SYTL2: variants seen among roughly 807,000 people sequenced by gnomAD.
The protein encoded by SYTL2 is synaptotagmin like 2, also known as synaptotagmin-like protein 2.
In SYTL2, 165 loss-of-function variants were observed where a neutral mutation model predicts 198.7. That is an observed-to-expected ratio of 0.83 (90% CI 0.73 to 0.94). SYTL2 has a LOEUF of 0.94. Ranked by LOEUF, SYTL2 falls within the 40% of genes least tolerant of loss-of-function variation. The probability of loss-of-function intolerance (pLI) is 0.00; values close to 1 mark genes in which losing one functional copy is unlikely to be tolerated. For synonymous variants in SYTL2, 966 were observed against 917.7 expected (o/e 1.05, Z -0.95); for missense variants, 2,835 against 2,582.8 (o/e 1.10, Z -2.12).
At chr11:85,770,797 C>A (rs2092339047) in intron 1 of SYTL2, among the ~76,000 whole-genome samples, 1 of 152,182 alleles carries the variant, frequency 6.6e-6, no homozygotes, top group Non-Finnish European at 1.5e-5. Flanking sequence ...CTCACAAATA[C>A]CCCTACCACA....
intron 7 of SYTL2, among the ~76,000 whole-genome samples, chr11:85,732,292 C>T (rs1420701555): frequency 1.3e-5 from 2 of 152,154 alleles, no homozygotes; most frequent in African/African-American, 4.8e-5. Context: ...CACATGCACA[C>T]GTGTGTTTAC....
intron 8 of SYTL2, among the ~76,000 whole-genome samples, chr11:85,721,349 C>T (rs1346927706): frequency 2.6e-5 from 4 of 152,054 alleles, no homozygotes; most frequent in South Asian, 2.1e-4. Context: ...AATTCAAAAC[C>T]GTGGAAGGCA....
chr11:85,705,223 C>T (rs142305633), intron 15 of SYTL2, 195 bp from the exon 16 acceptor site: 254 of 461,518 alleles, frequency 5.5e-4, no homozygotes, highest in Non-Finnish European at 8.6e-4. Context: ...TTCATAAAAG[C>T]TGATTTGCTT....
At chr11:85,843,546 A>C in the SYTL2 span, among the ~76,000 whole-genome samples, 2 of 152,044 alleles carry the variant, frequency 1.3e-5, no homozygotes, top group Admixed American at 1.3e-4. Flanking sequence ...TGAGCCATCT[A>C]ACTGATGCTG....
chr11:85,716,838 G>A (rs76310992), intron 11 of SYTL2, among the ~76,000 whole-genome samples: 2,732 of 152,126 alleles, frequency 0.018, 91 homozygotes, highest in African/African-American at 0.063. Context: ...GAACAGAAAA[G>A]ATCGAACAAA....
chr11:85,746,639 A>G (rs574919935), intron 3 of SYTL2, among the ~76,000 whole-genome samples: 2 of 152,258 alleles, frequency 1.3e-5, no homozygotes, highest in South Asian at 4.1e-4. Context: ...CCAAATACCC[A>G]TATTCCAGGA....
intron 1 of SYTL2, among the ~76,000 whole-genome samples, chr11:85,763,360 T>G (rs975410306): frequency 6.6e-6 from 1 of 152,222 alleles, no homozygotes; most frequent in African/African-American, 2.4e-5. Context: ...TTCTTGTCAA[T>G]TGTCCAAAAG....
At chr11:85,768,931 C>A (rs1448254231) in intron 1 of SYTL2, among the ~76,000 whole-genome samples, 1 of 152,138 alleles carries the variant, frequency 6.6e-6, no homozygotes, top group African/African-American at 2.4e-5. Flanking sequence ...CAGCCCTCCT[C>A]TAGCTTCCTC....
At position 85,758,002 on chromosome 11, in the gene SYTL2, C is replaced by T. The variant is rs2153552828; in HGVS notation, c.-277G>A. 1 of 358,670 alleles carries T rather than the reference C, an allele frequency of 2.8e-6. No individual in the cohort carries two copies. Among genetic ancestry groups the T allele is most frequent in the South Asian group, 3.4e-5 (1 of 29,168 alleles). The allele number at this position is 358,670 out of a possible 1,614,324, so 22.2% of individuals were successfully genotyped here. On this transcript the variant is annotated 5_prime_UTR_variant, in exon 2 of 20. Coordinates refer to ENST00000359152, the MANE Select transcript of SYTL2 (RefSeq NM_206927.4). The stretch of plus-strand genomic sequence containing the variant: ...TTCCTTGCCAAACAGGTCGCTTGTT[C>T]CTATGGTGGCTTCCAGCACACTCAC...
At chr11:85,697,893 T>G (rs1195560061) in intron 18 of SYTL2, 86 bp downstream of exon 18, 14 of 726,582 alleles carry the variant, frequency 1.9e-5, no homozygotes, top group Admixed American at 5.0e-5. Flanking sequence ...GAATGATGAG[T>G]CAGTATTACA....
At chr11:85,851,733 A>C in the SYTL2 span, among the ~76,000 whole-genome samples, 1 of 152,260 alleles carries the variant, frequency 6.6e-6, no homozygotes, top group Non-Finnish European at 1.5e-5. Context: ...AGCAGGCCTA[A>C]GATTTAAAAC....
the SYTL2 span, among the ~76,000 whole-genome samples, chr11:85,824,900 CAG>C: frequency 6.6e-6 from 1 of 152,164 alleles, no homozygotes; most frequent in Non-Finnish European, 1.5e-5. Context: ...AGAGCGCTGG[CAG>C]AGAGACTAGC....
intron 12 of SYTL2, among the ~76,000 whole-genome samples, chr11:85,712,264 A>G (rs1265809537): frequency 6.6e-6 from 1 of 152,198 alleles, no homozygotes; most frequent in Non-Finnish European, 1.5e-5. Flanking sequence ...GATTAAAAAA[A>G]TTCATATCTT....
chr11:85,729,234 G>A (rs1212132329), intron 7 of SYTL2, among the ~76,000 whole-genome samples: 2 of 152,158 alleles, frequency 1.3e-5, no homozygotes, highest in Non-Finnish European at 1.5e-5. Context: ...TCTGGACCAA[G>A]TGGACCTAAA....
At chr11:85,809,611 A>G (rs966960103) in intron 1 of SYTL2, among the ~76,000 whole-genome samples, 2 of 152,218 alleles carry the variant, frequency 1.3e-5, no homozygotes, top group Non-Finnish European at 2.9e-5. Context: ...CTAAGTGACT[A>G]AAGGAAGCAA....
chr11:85,822,869 T>C, the SYTL2 span, among the ~76,000 whole-genome samples: 1 of 152,130 alleles, frequency 6.6e-6, no homozygotes, highest in Admixed American at 6.5e-5. Context: ...AAAGGGAGGA[T>C]GGAGGTGCAA....
At chr11:85,749,877 C>G (rs1472888226) in intron 2 of SYTL2, among the ~76,000 whole-genome samples, 1 of 152,128 alleles carries the variant, frequency 6.6e-6, no homozygotes, top group Non-Finnish European at 1.5e-5. Flanking sequence ...GGGGCAGGGT[C>G]TGTACTCAAT....
chr11:85,745,531 A>T, intron 4 of SYTL2, 106 bp downstream of exon 4: 2 of 1,315,732 alleles, frequency 1.5e-6, no homozygotes, highest in South Asian at 3.0e-5. Context: ...CCCCATGCCC[A>T]TGACCCCAGT....
At chr11:85,717,802 C>A in intron 10 of SYTL2, 1 of 502,552 alleles carries the variant, frequency 2.0e-6, no homozygotes, top group Non-Finnish European at 3.9e-6. Context: ...TGGGAAGGAG[C>A]ACTGGACTAG....
Sources: allele counts gnomAD v4.1 joint callset (sites outside exome capture counted in the v4.1 genomes callset), GRCh38; gene constraint gnomAD v4.1.1; transcripts MANE v1.5; gene names NCBI Gene and HGNC (gene_info 2026-07-23, HGNC 2026-07-21).